Variants in AFG1L observed in about 807,000 individuals in gnomAD.
AFG1L encodes the protein AFG1 like ATPase, also known as AFG1-like ATPase.
In AFG1L, 53 loss-of-function variants were observed where a neutral mutation model predicts 62.2. The observed-to-expected ratio is 0.85, with a 90% CI of 0.68 to 1.07. The LOEUF is 1.07. Ranked by LOEUF, AFG1L falls within the 50% of genes least tolerant of loss-of-function variation. AFG1L has a pLI of 0.00. For synonymous variants in AFG1L, 228 were observed against 210.3 expected (o/e 1.08, Z -0.73); for missense variants, 555 against 590.5 (o/e 0.94, Z 0.62).
At chr6:108,407,006 C>T (rs534039431) in intron 7 of AFG1L, among the ~76,000 whole-genome samples, 6 of 152,234 alleles carry the variant, frequency 3.9e-5, no homozygotes, top group Non-Finnish European at 4.4e-5. Flanking sequence ...AGGGTTCTGA[C>T]TCCCATGTGA....
intron 6 of AFG1L, among the ~76,000 whole-genome samples, chr6:108,373,807 A>C (rs1253535677): frequency 6.6e-6 from 1 of 152,100 alleles, no homozygotes; most frequent in Non-Finnish European, 1.5e-5. Context: ...CGAACTCCTG[A>C]CATCAAGTGA....
chr6:108,404,220 T>C (rs543076339), intron 7 of AFG1L, among the ~76,000 whole-genome samples: 29 of 152,248 alleles, frequency 1.9e-4, no homozygotes, highest in African/African-American at 7.0e-4. Flanking sequence ...CAAAAGTCAA[T>C]CTTAAAACAA....
chr6:108,350,286 A>G (rs1344021218), intron 3 of AFG1L, among the ~76,000 whole-genome samples: 1 of 151,938 alleles, frequency 6.6e-6, no homozygotes, highest in Non-Finnish European at 1.5e-5. Context: ...CCTGGGCAAC[A>G]TAGGGAGACC....
chr6:108,502,255 G>C (rs562137002), intron 10 of AFG1L, among the ~76,000 whole-genome samples: 3 of 151,844 alleles, frequency 2.0e-5, no homozygotes, highest in African/African-American at 4.8e-5. Flanking sequence ...GCCGAGGCTG[G>C]AGTGCAATGG....
At chr6:108,511,115 A>G (rs1307378590) in intron 11 of AFG1L, among the ~76,000 whole-genome samples, 1 of 150,292 alleles carries the variant, frequency 6.7e-6, no homozygotes, top group Non-Finnish European at 1.5e-5. Flanking sequence ...GAAGAAGAAG[A>G]AGAAGTAGAA....
chr6:108,334,156 G>A (rs887406181), intron 2 of AFG1L, among the ~76,000 whole-genome samples: 4 of 151,968 alleles, frequency 2.6e-5, no homozygotes, highest in African/African-American at 4.8e-5. Context: ...TAAGGCATGC[G>A]CCACCACGCC....
chr6:108,354,032 G>A (rs9486865), intron 3 of AFG1L, among the ~76,000 whole-genome samples: 3,264 of 152,274 alleles, frequency 0.021, 109 homozygotes, highest in African/African-American at 0.074. Context: ...TAGACAGGAA[G>A]TGATCTTGTG....
intron 8 of AFG1L, among the ~76,000 whole-genome samples, chr6:108,471,280 G>A (rs1026101057): frequency 7.9e-5 from 12 of 152,162 alleles, no homozygotes; most frequent in African/African-American, 2.4e-4. Flanking sequence ...CAGAGACACC[G>A]TATAAGACTG....
chr6:108,446,571 C>G (rs1225710494), intron 7 of AFG1L, among the ~76,000 whole-genome samples: 1 of 146,146 alleles, frequency 6.8e-6, no homozygotes, highest in Non-Finnish European at 1.5e-5. Flanking sequence ...GTGGCACGAT[C>G]ATAGCTCATT....
At chr6:108,495,136 T>A (rs1773925871) in intron 10 of AFG1L, among the ~76,000 whole-genome samples, 1 of 152,190 alleles carries the variant, frequency 6.6e-6, no homozygotes, top group Non-Finnish European at 1.5e-5. Context: ...AGTCTTAACA[T>A]CAATTCGTGT....
At chr6:108,433,951 T>G (rs536555589) in intron 7 of AFG1L, among the ~76,000 whole-genome samples, 2 of 152,330 alleles carry the variant, frequency 1.3e-5, no homozygotes, top group African/African-American at 4.8e-5. Context: ...ACTATTTCTT[T>G]TAAAGGGTTA....
At chr6:108,445,332 A>C (rs1771723795) in intron 7 of AFG1L, among the ~76,000 whole-genome samples, 1 of 152,176 alleles carries the variant, frequency 6.6e-6, no homozygotes, top group African/African-American at 2.4e-5. Context: ...CCATATCAAT[A>C]ATAAGGCTGT....
intron 7 of AFG1L, among the ~76,000 whole-genome samples, chr6:108,418,923 T>G (rs1274034214): frequency 6.6e-6 from 1 of 152,174 alleles, no homozygotes; most frequent in Non-Finnish European, 1.5e-5. Context: ...CTAGCCTTCT[T>G]GAAGATTAGA....
chr6:108,444,098 A>G (rs1562165248), intron 7 of AFG1L, among the ~76,000 whole-genome samples: 1 of 150,976 alleles, frequency 6.6e-6, no homozygotes, highest in African/African-American at 2.4e-5. Flanking sequence ...CTATCTATCT[A>G]TCTATATCTG....
At chr6:108,357,141 G>C (rs1348660127) in intron 5 of AFG1L, among the ~76,000 whole-genome samples, 2 of 152,030 alleles carry the variant, frequency 1.3e-5, no homozygotes, top group Non-Finnish European at 2.9e-5. Context: ...AGGCTGGAGT[G>C]CAGTGGCATA....
At chr6:108,438,259 G>A (rs749509863) in intron 7 of AFG1L, among the ~76,000 whole-genome samples, 15 of 152,240 alleles carry the variant, frequency 9.9e-5, no homozygotes, top group South Asian at 2.1e-4. Context: ...ATTTTCTCAC[G>A]GTTCTGGTGG....
chr6:108,473,252 A>T (rs1772975219), intron 8 of AFG1L, among the ~76,000 whole-genome samples: 1 of 152,228 alleles, frequency 6.6e-6, no homozygotes. Flanking sequence ...TTCACAGGTG[A>T]CTTAGGAGAG....
intron 10 of AFG1L, among the ~76,000 whole-genome samples, chr6:108,481,873 T>C (rs1773332680): frequency 6.6e-6 from 1 of 152,220 alleles, no homozygotes; most frequent in African/African-American, 2.4e-5. Context: ...AGACAAACTA[T>C]GGTTATTCAG....
chr6:108,506,245 C>T (rs193262775), intron 10 of AFG1L, among the ~76,000 whole-genome samples: 3 of 152,268 alleles, frequency 2.0e-5, no homozygotes, highest in East Asian at 1.9e-4. Context: ...AGGTCTCTGT[C>T]GACCAGGCTC....
Sources: allele counts gnomAD v4.1 joint callset (sites outside exome capture counted in the v4.1 genomes callset), GRCh38; gene constraint gnomAD v4.1.1; transcripts MANE v1.5; gene names NCBI Gene and HGNC (gene_info 2026-07-23, HGNC 2026-07-21).